TNIK: variants seen among roughly 807,000 people sequenced by gnomAD.
The protein encoded by TNIK is TRAF2 and NCK-interacting protein kinase.
Under a neutral mutation model 191.3 loss-of-function variants are expected in TNIK, and 49 were observed. The ratio of observed to expected loss-of-function variants is 0.26; its 90% CI spans 0.20 to 0.32. The LOEUF is 0.32. Among genes scored for constraint, TNIK ranks in the 10% least tolerant of loss-of-function variants. The pLI, the probability that TNIK is intolerant of heterozygous loss-of-function variation, is 1.00. For missense variants in TNIK, 1,155 were observed against 1,702.3 expected, an observed-to-expected ratio of 0.68 and a Z score of 5.66; for synonymous variants, 594 against 600.9, an observed-to-expected ratio of 0.99 and a Z score of 0.17.
intron 2 of TNIK, among the ~76,000 whole-genome samples, chr3:171,267,610 A>G (rs941445793): frequency 5.3e-5 from 8 of 152,338 alleles, no homozygotes; most frequent in African/African-American, 1.7e-4. Context: ...CAGAGACTAA[A>G]TACTTATATG....
At chr3:171,222,903 C>T (rs889158850) in intron 3 of TNIK, among the ~76,000 whole-genome samples, 2 of 152,078 alleles carry the variant, frequency 1.3e-5, no homozygotes, top group Non-Finnish European at 1.5e-5. Context: ...CCAGGACTTA[C>T]GGTCTCCCAC....
intron 1 of TNIK, among the ~76,000 whole-genome samples, chr3:171,447,670 T>C (rs944393045): frequency 3.3e-5 from 5 of 152,238 alleles, no homozygotes; most frequent in Admixed American, 6.5e-5. Flanking sequence ...GCACAAGAAA[T>C]TGGAAGCCAA....
At chr3:171,389,408 G>A (rs1172838219) in intron 1 of TNIK, among the ~76,000 whole-genome samples, 8 of 152,064 alleles carry the variant, frequency 5.3e-5, no homozygotes, top group Non-Finnish European at 1.5e-5. Context: ...TATTTTCCGA[G>A]TGCCTGCTCT....
intron 2 of TNIK, among the ~76,000 whole-genome samples, chr3:171,274,279 C>A (rs79925987): frequency 1.3e-5 from 2 of 152,024 alleles, no homozygotes; most frequent in African/African-American, 4.8e-5. Context: ...GGCTGAAAAG[C>A]AAGGAACATC....
chr3:171,107,461 A>T (rs926709275), intron 20 of TNIK, among the ~76,000 whole-genome samples: 4 of 147,738 alleles, frequency 2.7e-5, no homozygotes, highest in African/African-American at 1.1e-4. Flanking sequence ...CAAGAGATTT[A>T]AATAGAAAAA....
At position 171,416,210 on chromosome 3, in the gene TNIK, A is replaced by G. The variant is rs556298672; in HGVS notation, c.57+43797T>C. On this transcript the variant is annotated intron_variant, in intron 1 of 32. Transcript: ENST00000436636. ...TATTTCCTGGATTTTTGCAGATATG[A>G]CAGTAAATTGGCAACTGAGGGAATA... 1.2e-3 allele frequency among the ~76,000 whole-genome samples: 185 copies of G among 152,066 alleles called. 2 individuals are homozygous for G. Among genetic ancestry groups the G allele is most frequent in the African/African-American group, 4.3e-3 (178 of 41,470 alleles).
chr3:171,395,546 T>C (rs1039478795), intron 1 of TNIK, among the ~76,000 whole-genome samples: 1 of 152,144 alleles, frequency 6.6e-6, no homozygotes, highest in Non-Finnish European at 1.5e-5. Flanking sequence ...ACTCAAGAAG[T>C]ACTAGGAAAT....
intron 15 of TNIK, among the ~76,000 whole-genome samples, chr3:171,129,285 A>G (rs1347703216): frequency 6.6e-6 from 1 of 152,102 alleles, no homozygotes; most frequent in African/African-American, 2.4e-5. Flanking sequence ...GAACATAGAA[A>G]ATTGCTTTGG....
intron 1 of TNIK, among the ~76,000 whole-genome samples, chr3:171,404,996 A>AAT: frequency 6.6e-6 from 1 of 152,218 alleles, no homozygotes; most frequent in African/African-American, 2.4e-5. Context: ...TCAAAATGGT[A>AAT]CACTTTGAAA....
chr3:171,145,812 T>A (rs1390068592), intron 12 of TNIK, among the ~76,000 whole-genome samples: 1 of 151,372 alleles, frequency 6.6e-6, no homozygotes, highest in Non-Finnish European at 1.5e-5. Context: ...AATGCTCTTC[T>A]TAGATTACTT....
chr3:171,198,424 G>A (rs1449488678), intron 4 of TNIK, among the ~76,000 whole-genome samples: 1 of 152,100 alleles, frequency 6.6e-6, no homozygotes, highest in Non-Finnish European at 1.5e-5. Context: ...TGGGTACACA[G>A]TGTTCTTTCG....
intron 29 of TNIK, among the ~76,000 whole-genome samples, chr3:171,069,809 A>G (rs1256554849): frequency 6.6e-6 from 1 of 152,180 alleles, no homozygotes; most frequent in Non-Finnish European, 1.5e-5. Context: ...CCTTAACTAT[A>G]ATGCCACTGC....
Position 171,149,375 on chromosome 3 carries a change from G to A in TNIK, c.1221+8085C>T, listed in dbSNP as rs183624685. Among the ~76,000 whole-genome samples the A allele has an allele frequency of 9.9e-5, 15 of 152,224 alleles. 1 individual carries two copies. Among genetic ancestry groups the A allele is most frequent in the Admixed American group, 7.8e-4 (12 of 15,292 alleles). ...ATGCTGTTAAGTATAAAACACTAGC[G>A]TACTCTACCTTCCTATGTCTTAAAA... On this transcript the variant is annotated intron_variant, in intron 12 of 32. Transcript: ENST00000436636.
chr3:171,122,190 TA>T (rs1184704301), intron 18 of TNIK, among the ~76,000 whole-genome samples: 5 of 152,330 alleles, frequency 3.3e-5, no homozygotes, highest in Admixed American at 3.3e-4. Flanking sequence ...GAAAAATACT[TA>T]AAGTTGAAAT....
At chr3:171,297,215 C>CTGCATCCTAT (rs1237687211) in intron 2 of TNIK, among the ~76,000 whole-genome samples, 1 of 152,184 alleles carries the variant, frequency 6.6e-6, no homozygotes, top group Non-Finnish European at 1.5e-5. Context: ...AGGGAATGTA[C>CTGCATCCTAT]TGCATCCTAT....
chr3:171,269,659 T>C (rs1748848485), intron 2 of TNIK, among the ~76,000 whole-genome samples: 1 of 152,206 alleles, frequency 6.6e-6, no homozygotes, highest in African/African-American at 2.4e-5. Flanking sequence ...GAAATAGTTA[T>C]CCCAAAAAGC....
intron 3 of TNIK, among the ~76,000 whole-genome samples, chr3:171,215,609 C>T (rs748677287): frequency 1.3e-5 from 2 of 152,102 alleles, no homozygotes; most frequent in African/African-American, 4.8e-5. Context: ...AGTCGTTAAT[C>T]GGAAGCGTTT....
At chr3:171,104,933 T>G (rs1441272974) in intron 21 of TNIK, among the ~76,000 whole-genome samples, 1 of 150,006 alleles carries the variant, frequency 6.7e-6, no homozygotes, top group Non-Finnish European at 1.5e-5. Context: ...GTGTATAATC[T>G]TTGTGTCACA....
intron 6 of TNIK, among the ~76,000 whole-genome samples, chr3:171,189,854 A>G (rs952962789): frequency 6.6e-6 from 1 of 152,216 alleles, no homozygotes; most frequent in Admixed American, 6.5e-5. Context: ...TTTGTTTTTA[A>G]AAGAGAATAT....
Sources: gnomAD v4.1 joint callset for allele counts (sites outside exome capture counted in the v4.1 genomes callset) on GRCh38, gnomAD v4.1.1 for gene constraint, MANE v1.5 for transcripts, NCBI Gene and HGNC (gene_info 2026-07-23, HGNC 2026-07-21) for gene names.